The following GRM7 variants were observed in gnomAD, a reference collection of about 807,000 sequenced individuals.
GRM7 encodes glutamate metabotropic receptor 7.
A neutral mutation model predicts 84.5 loss-of-function variants in GRM7; 35 were observed. The observed-to-expected ratio is 0.41, with a 90% CI of 0.32 to 0.55. GRM7 has a LOEUF of 0.55. Among genes scored for constraint, GRM7 ranks in the 20% least tolerant of loss-of-function variants. GRM7 has a pLI of 0.19. For synonymous variants in GRM7, 487 were observed against 455.1 expected (o/e 1.07, Z -0.89); for missense variants, 1,003 against 1,194.6 (o/e 0.84, Z 2.36).
intron 7 of GRM7, among the ~76,000 whole-genome samples, chr3:7,489,966 A>T (rs1423010156): frequency 1.3e-5 from 2 of 151,862 alleles, no homozygotes; most frequent in Non-Finnish European, 2.9e-5. Flanking sequence ...TAATTAAAAT[A>T]TGTATATACC....
chr3:6,955,231 T>C (rs1334983347), intron 1 of GRM7, among the ~76,000 whole-genome samples: 2 of 152,214 alleles, frequency 1.3e-5, no homozygotes, highest in African/African-American at 4.8e-5. Flanking sequence ...GCATACAGCA[T>C]CATTATTTAA....
At chr3:7,117,071 C>G (rs1369915556) in intron 1 of GRM7, among the ~76,000 whole-genome samples, 1 of 152,094 alleles carries the variant, frequency 6.6e-6, no homozygotes, top group African/African-American at 2.4e-5. Flanking sequence ...GCACTGACTT[C>G]ATCACACGCC....
intron 1 of GRM7, among the ~76,000 whole-genome samples, chr3:6,984,201 C>A (rs979636090): frequency 6.6e-6 from 1 of 152,148 alleles, no homozygotes; most frequent in Non-Finnish European, 1.5e-5. Context: ...GTCTTGGAGG[C>A]CGTAGAAACT....
chr3:7,133,278 T>A (rs1355657615), intron 1 of GRM7, among the ~76,000 whole-genome samples: 1 of 152,228 alleles, frequency 6.6e-6, no homozygotes, highest in African/African-American at 2.4e-5. Context: ...TACAGAGTGA[T>A]GGTTGAGATT....
chr3:7,655,928 C>G (rs978843583), intron 8 of GRM7, among the ~76,000 whole-genome samples: 1 of 152,140 alleles, frequency 6.6e-6, no homozygotes, highest in African/African-American at 2.4e-5. Flanking sequence ...GATCTAGGTC[C>G]TACCACTTAC....
chr3:7,373,338 C>T (rs1300277948), intron 4 of GRM7, among the ~76,000 whole-genome samples: 1 of 152,120 alleles, frequency 6.6e-6, no homozygotes, highest in African/African-American at 2.4e-5. Context: ...TGATATTCCA[C>T]ATGATTTTAA....
intron 1 of GRM7, among the ~76,000 whole-genome samples, chr3:7,036,580 A>G (rs1430803983): frequency 2.0e-5 from 3 of 152,336 alleles, no homozygotes; most frequent in East Asian, 1.9e-4. Context: ...CTATAATTCA[A>G]TGAAGAGCTA....
At chr3:7,563,070 T>C (rs1327928980) in intron 7 of GRM7, among the ~76,000 whole-genome samples, 3 of 152,124 alleles carry the variant, frequency 2.0e-5, no homozygotes, top group Non-Finnish European at 4.4e-5. Context: ...TCTTCTCCAT[T>C]TACCTGGCAG....
intron 4 of GRM7, among the ~76,000 whole-genome samples, chr3:7,372,659 T>G (rs1169212365): frequency 1.3e-5 from 2 of 152,158 alleles, no homozygotes; most frequent in Non-Finnish European, 2.9e-5. Flanking sequence ...TTTAGAATTT[T>G]GTACTTTAGC....
At chr3:7,608,340 A>G (rs2125077037) in intron 8 of GRM7, among the ~76,000 whole-genome samples, 1 of 152,302 alleles carries the variant, frequency 6.6e-6, no homozygotes, top group South Asian at 2.1e-4. Context: ...CACTCCCACC[A>G]ACAGTATATA....
chr3:7,101,888 A>G (rs1187623912), intron 1 of GRM7, among the ~76,000 whole-genome samples: 1 of 150,604 alleles, frequency 6.6e-6, no homozygotes, highest in Non-Finnish European at 1.5e-5. Flanking sequence ...GACAATTGGC[A>G]TCCTTAATTT....
intron 5 of GRM7, among the ~76,000 whole-genome samples, chr3:7,431,495 C>T (rs559302633): frequency 2.6e-5 from 4 of 152,268 alleles, no homozygotes; most frequent in South Asian, 2.1e-4. Context: ...GAACGGCATA[C>T]GCTGTATGCA....
intron 9 of GRM7, among the ~76,000 whole-genome samples, chr3:7,738,276 T>A (rs1157223598): frequency 6.6e-6 from 1 of 152,130 alleles, no homozygotes; most frequent in South Asian, 2.1e-4. Flanking sequence ...TGTCTTCCTA[T>A]TATAGCATGG....
chr3:7,716,221 G>T (rs1248832849), intron 9 of GRM7, among the ~76,000 whole-genome samples: 2 of 152,112 alleles, frequency 1.3e-5, no homozygotes, highest in African/African-American at 2.4e-5. Context: ...TTTGCATTCT[G>T]CTAATGGCAC....
chr3:6,902,883 C>G (rs375078786), intron 1 of GRM7, among the ~76,000 whole-genome samples: 1 of 131,484 alleles, frequency 7.6e-6, no homozygotes, highest in African/African-American at 2.9e-5. Flanking sequence ...ACACACACAC[C>G]CCTACTCTAG....
chr3:7,708,175 T>C (rs1169359204), intron 9 of GRM7, among the ~76,000 whole-genome samples: 1 of 151,896 alleles, frequency 6.6e-6, no homozygotes, highest in Non-Finnish European at 1.5e-5. Flanking sequence ...CCCAACACCA[T>C]CTAGCTAGGT....
intron 1 of GRM7, among the ~76,000 whole-genome samples, chr3:6,922,450 A>G (rs536494382): frequency 6.6e-6 from 1 of 152,184 alleles, no homozygotes; most frequent in Non-Finnish European, 1.5e-5. Flanking sequence ...TGGCTGTTAT[A>G]TTTCCCTAAG....
chr3:7,548,677 C>G (rs1254665353), intron 7 of GRM7, among the ~76,000 whole-genome samples: 1 of 152,092 alleles, frequency 6.6e-6, no homozygotes, highest in Non-Finnish European at 1.5e-5. Flanking sequence ...ATTGTGATCC[C>G]CTAGGACTAC....
chr3:7,577,558 A>G (rs1461638027), intron 7 of GRM7, among the ~76,000 whole-genome samples: 2 of 152,176 alleles, frequency 1.3e-5, no homozygotes, highest in East Asian at 1.9e-4. Flanking sequence ...TTTCCACCCA[A>G]CAGTAAAGTT....
Sources: allele counts gnomAD v4.1 joint callset (sites outside exome capture counted in the v4.1 genomes callset), GRCh38; gene constraint gnomAD v4.1.1; transcripts MANE v1.5; gene names NCBI Gene and HGNC (gene_info 2026-07-23, HGNC 2026-07-21).